PAX5: variants seen among roughly 807,000 people sequenced by gnomAD.
PAX5 encodes the protein paired box 5.
PAX5 carries 9 observed loss-of-function variants against 43.7 expected under a neutral mutation model. The observed-to-expected ratio is 0.21, with a 90% CI of 0.12 to 0.36. The LOEUF (loss-of-function observed/expected upper bound fraction) is 0.36, where lower values mean the gene tolerates loss of function less well. Ranked by LOEUF, PAX5 falls within the 10% of genes least tolerant of loss-of-function variation. The pLI is 1.00. For missense variants in PAX5, 383 were observed against 532.7 expected, an observed-to-expected ratio of 0.72 and a Z score of 2.77; for synonymous variants, 228 against 214.3, an observed-to-expected ratio of 1.06 and a Z score of -0.56.
chr9:36,878,792 G>A (rs1346276812), intron 8 of PAX5, among the ~76,000 whole-genome samples: 1 of 152,244 alleles, frequency 6.6e-6, no homozygotes, highest in East Asian at 1.9e-4. Context: ...TTGGAAACAA[G>A]AGTCCCAAAG....
At chr9:36,917,958 T>A (rs1034165762) in intron 7 of PAX5, among the ~76,000 whole-genome samples, 3 of 152,190 alleles carry the variant, frequency 2.0e-5, no homozygotes, top group Non-Finnish European at 1.5e-5. Flanking sequence ...AGCCACAAAC[T>A]GTGCCCATAT....
intron 7 of PAX5, among the ~76,000 whole-genome samples, chr9:36,883,420 G>A (rs1826625203): frequency 6.6e-6 from 1 of 152,150 alleles, no homozygotes; most frequent in Non-Finnish European, 1.5e-5. Flanking sequence ...TGTGGTTCAC[G>A]CCTGTAATCT....
chr9:36,923,752 G>A (rs368865338), intron 6 of PAX5, among the ~76,000 whole-genome samples: 29 of 152,276 alleles, frequency 1.9e-4, no homozygotes, highest in African/African-American at 6.7e-4. Flanking sequence ...TGCTCCCTCT[G>A]GCCTGCATGT....
chr9:36,842,014 T>G (rs965083281), intron 9 of PAX5, among the ~76,000 whole-genome samples: 3 of 152,156 alleles, frequency 2.0e-5, no homozygotes, highest in Non-Finnish European at 4.4e-5. Flanking sequence ...TCAGCCCTGA[T>G]GAGCCGATGT....
At chr9:36,908,754 A>C (rs1829016837) in intron 7 of PAX5, among the ~76,000 whole-genome samples, 1 of 152,234 alleles carries the variant, frequency 6.6e-6, no homozygotes. Flanking sequence ...ACCTGCTTGA[A>C]GGCTCTTTGG....
In PAX5 at chr9:37,000,688, G is replaced by GTCTC. The variant is rs1396491411; in HGVS notation, c.604+1956_604+1959dup. On this transcript the variant is annotated intron_variant, in intron 5 of 9. Coordinates refer to ENST00000358127, the MANE Select transcript of PAX5 (RefSeq NM_016734.3). ...TGGCAGCCCAACAAGTGGCCACTTA[G>GTCTC]TCTCTGCTTACATATCCCCAGAGAT... 2.0e-5 allele frequency among the ~76,000 whole-genome samples: 3 copies of GTCTC among 152,328 alleles called. No individual in the cohort carries two copies. The East Asian group carries it at 5.8e-4, about 29-fold the overall frequency.
At chr9:36,923,306 ATCTC>A (rs768276588) in intron 7 of PAX5, 45 bp downstream of exon 7, 7 of 1,558,776 alleles carry the variant, frequency 4.5e-6, no homozygotes, top group South Asian at 3.5e-5. Context: ...ACACACTCCT[ATCTC>A]TCTCTCTCTC....
intron 8 of PAX5, among the ~76,000 whole-genome samples, chr9:36,865,268 C>T (rs1261094584): frequency 6.6e-6 from 1 of 152,214 alleles, no homozygotes; most frequent in Non-Finnish European, 1.5e-5. Context: ...GTCAGCAACC[C>T]TCAGCTTCTG....
intron 7 of PAX5, among the ~76,000 whole-genome samples, chr9:36,897,238 G>T (rs1261161715): frequency 6.6e-6 from 1 of 152,180 alleles, no homozygotes; most frequent in African/African-American, 2.4e-5. Context: ...ACCGAGCTGG[G>T]CTTAGCAGAG....
chr9:36,966,794 C>G (rs1834480951), intron 5 of PAX5, 70 bp from the exon 6 acceptor site: 2 of 1,434,762 alleles, frequency 1.4e-6, no homozygotes, highest in East Asian at 4.6e-5. Flanking sequence ...CAGGTCAGAC[C>G]CTGAGACTAT....
chr9:36,995,682 C>G (rs979496283), intron 5 of PAX5, among the ~76,000 whole-genome samples: 2 of 152,124 alleles, frequency 1.3e-5, no homozygotes, highest in African/African-American at 4.8e-5. Flanking sequence ...CTGGGCAGAC[C>G]GCCTCTCTTC....
intron 6 of PAX5, among the ~76,000 whole-genome samples, chr9:36,952,234 CTTT>C (rs138009049): frequency 3.0e-5 from 2 of 66,660 alleles, no homozygotes. Flanking sequence ...GACCATCTCC[CTTT>C]TTTTTTTTTT....
At chr9:36,886,088 C>T (rs1826881180) in intron 7 of PAX5, among the ~76,000 whole-genome samples, 1 of 152,008 alleles carries the variant, frequency 6.6e-6, no homozygotes, top group East Asian at 1.9e-4. Flanking sequence ...CCTGCAGGTC[C>T]AAGGAGAGGG....
intron 3 of PAX5, among the ~76,000 whole-genome samples, chr9:37,007,227 G>T (rs1838476424): frequency 6.6e-6 from 1 of 152,140 alleles, no homozygotes; most frequent in Admixed American, 6.5e-5. Flanking sequence ...CAGAGACCTT[G>T]CTCACACTCT....
intron 5 of PAX5, among the ~76,000 whole-genome samples, chr9:36,977,426 A>C (rs1448917508): frequency 6.6e-6 from 1 of 152,126 alleles, no homozygotes; most frequent in Non-Finnish European, 1.5e-5. Flanking sequence ...TCCTAGCCCT[A>C]CACTAACTCA....
In PAX5 at chr9:36,870,984, C is replaced by T. The variant is rs116837149; in HGVS notation, c.1012+11020G>A. On this transcript the variant is annotated intron_variant, in intron 8 of 9. Coordinates refer to ENST00000358127, the MANE Select transcript of PAX5 (RefSeq NM_016734.3). Reference sequence around the variant, plus strand: ...GCTCCTCCTAGGACTTCAGCCTCTCCTTCCCATCCTACCTCCAGGTAAGCC... The same window carrying T: ...GCTCCTCCTAGGACTTCAGCCTCTCTTTCCCATCCTACCTCCAGGTAAGCC... Among the ~76,000 whole-genome samples, 362 of 152,346 alleles carry T rather than the reference C, an allele frequency of 2.4e-3. 1 individual carries two copies. The highest frequency in any genetic ancestry group is 8.3e-3 in the African/African-American group (347 of 41,584).
intron 6 of PAX5, among the ~76,000 whole-genome samples, chr9:36,925,942 G>C (rs924433752): frequency 6.6e-6 from 1 of 152,180 alleles, no homozygotes; most frequent in Non-Finnish European, 1.5e-5. Flanking sequence ...AGTGGTGCCA[G>C]AACAATAACA....
At chr9:36,866,872 C>T (rs1435599680) in intron 8 of PAX5, among the ~76,000 whole-genome samples, 3 of 152,118 alleles carry the variant, frequency 2.0e-5, no homozygotes, top group African/African-American at 7.2e-5. Flanking sequence ...CCGTTGAACA[C>T]ACAACACGCT....
At chr9:37,029,612 C>G (rs1221828504) in intron 1 of PAX5, among the ~76,000 whole-genome samples, 1 of 152,206 alleles carries the variant, frequency 6.6e-6, no homozygotes, top group Non-Finnish European at 1.5e-5. Context: ...CACCCGATGG[C>G]GCCCAGTGGG....
Sources: gnomAD v4.1 joint callset for allele counts (sites outside exome capture counted in the v4.1 genomes callset) on GRCh38, gnomAD v4.1.1 for gene constraint, MANE v1.5 for transcripts, NCBI Gene and HGNC (gene_info 2026-07-23, HGNC 2026-07-21) for gene names.